Variants in COMMD10 observed in about 807,000 individuals in gnomAD.
COMMD10 encodes the protein COMM domain-containing protein 10.
Under a neutral mutation model 28.9 loss-of-function variants are expected in COMMD10, and 33 were observed. The observed-to-expected ratio is 1.14, with a 90% confidence interval of 0.87 to 1.53. COMMD10 has a LOEUF of 1.53. Ranked by LOEUF, COMMD10 falls within the 40% of genes most tolerant of loss-of-function variation. The probability of loss-of-function intolerance (pLI) is 0.00; values close to 1 mark genes in which losing one functional copy is unlikely to be tolerated. For synonymous variants in COMMD10, 110 were observed against 81.7 expected, an observed-to-expected ratio of 1.35 and a Z score of -1.87; for missense variants, 310 against 233.4, an observed-to-expected ratio of 1.33 and a Z score of -2.14.
At chr5:116,162,497 G>A (rs1190751104) in intron 5 of COMMD10, among the ~76,000 whole-genome samples, 1 of 152,134 alleles carries the variant, frequency 6.6e-6, no homozygotes, top group East Asian at 1.9e-4. Context: ...GATTGGCATG[G>A]CAGTGACTGT....
Position 116,205,934 on chromosome 5 carries a change from C to T in COMMD10, c.510+71756C>T, listed in dbSNP as rs140162183. On this transcript the variant is annotated intron_variant, in intron 5 of 6. Coordinates refer to ENST00000274458, the MANE Select transcript of COMMD10 (RefSeq NM_016144.4). ...TCCCGAAAACACTTTGAATCATTTC[C>T]ACTGATTCTTTTTCCTCCCTTGTTA... Among the ~76,000 whole-genome samples, 1,017 of 151,946 alleles carry T rather than the reference C, an allele frequency of 6.7e-3. 16 individuals carry two copies. Among genetic ancestry groups the T allele is most frequent in the African/African-American group, 0.024 (974 of 41,438 alleles).
At chr5:116,142,984 T>C (rs1426312014) in intron 5 of COMMD10, among the ~76,000 whole-genome samples, 1 of 151,510 alleles carries the variant, frequency 6.6e-6, no homozygotes. Flanking sequence ...GATCAATTTC[T>C]CAATGAAATT....
chr5:116,287,786 T>C (rs140151861), intron 5 of COMMD10, among the ~76,000 whole-genome samples: 36 of 151,892 alleles, frequency 2.4e-4, no homozygotes, highest in African/African-American at 7.8e-4. Context: ...CTCAAAGTTA[T>C]AGTATTCTAT....
chr5:116,179,352 A>C (rs1039105841), intron 5 of COMMD10, among the ~76,000 whole-genome samples: 3 of 152,174 alleles, frequency 2.0e-5, no homozygotes, highest in African/African-American at 7.2e-5. Flanking sequence ...TGTTTAACTC[A>C]AAAATCTGCC....
chr5:116,280,754 A>T (rs563027998), intron 5 of COMMD10, among the ~76,000 whole-genome samples: 8 of 151,860 alleles, frequency 5.3e-5, no homozygotes, highest in African/African-American at 4.9e-5. Flanking sequence ...CTTAGTAAAG[A>T]TTGTCAACAA....
rs145111303 is a variant in COMMD10, at chr5:116,188,294, G to A, written c.510+54116G>A. On this transcript the variant is annotated intron_variant, in intron 5 of 6. Coordinates refer to ENST00000274458, the MANE Select transcript of COMMD10 (RefSeq NM_016144.4). ...TTGACTTAAAGTATGTTCTACAGGC[G>A]GAATACACTGGGGGTGGCGGGCATG... 7.3e-3 allele frequency among the ~76,000 whole-genome samples: 1,117 copies of A among 152,120 alleles called. 17 individuals carry two copies. The highest frequency in any genetic ancestry group is 0.026 in the African/African-American group (1,072 of 41,506).
At chr5:116,277,628 A>G (rs999933098) in intron 5 of COMMD10, among the ~76,000 whole-genome samples, 2 of 151,940 alleles carry the variant, frequency 1.3e-5, no homozygotes, top group East Asian at 3.8e-4. Context: ...ACTGCCCTTC[A>G]TAACTTGAGG....
In COMMD10 at chr5:116,173,381, A is replaced by G. The variant is rs117989139; in HGVS notation, c.510+39203A>G. Among the ~76,000 whole-genome samples the G allele has an allele frequency of 1.2e-4, 19 of 152,228 alleles. No homozygotes were observed. The East Asian group carries it at 2.9e-3, about 23-fold the overall frequency. On this transcript the variant is annotated intron_variant, in intron 5 of 6. Transcript: ENST00000274458. ...TATAAGCCAATTTAAGCAAGTTAGT[A>G]TTAGAGTAGAAGTGTAAACTTTGGA...
At chr5:116,292,144 C>T (rs1220375553) in intron 6 of COMMD10, among the ~76,000 whole-genome samples, 6 of 150,970 alleles carry the variant, frequency 4.0e-5, no homozygotes, top group African/African-American at 1.5e-4. Context: ...AACCCCATGT[C>T]TCATTAAAAA....
At position 116,117,721 on chromosome 5, in the gene COMMD10, C is replaced by G. The variant is rs574481874; in HGVS notation, c.400-16347C>G. ...ACTTAAGTGATCTGCCCGCCTTGGC[C>G]TCCCAAAATACTAGGATTACAGGTG... On this transcript the variant is annotated intron_variant, in intron 4 of 6. Transcript: ENST00000274458. 9.2e-5 allele frequency among the ~76,000 whole-genome samples: 14 copies of G among 152,216 alleles called. No individual in the cohort carries two copies. The East Asian group carries it at 2.7e-3, about 29-fold the overall frequency.
intron 5 of COMMD10, among the ~76,000 whole-genome samples, chr5:116,166,883 A>G (rs1753116065): frequency 6.6e-6 from 1 of 152,160 alleles, no homozygotes; most frequent in Non-Finnish European, 1.5e-5. Context: ...ATCCATGAAG[A>G]TGAGGAAAAA....
At chr5:116,237,140 A>G (rs1245132559) in intron 5 of COMMD10, among the ~76,000 whole-genome samples, 3 of 152,092 alleles carry the variant, frequency 2.0e-5, no homozygotes, top group Admixed American at 6.6e-5. Context: ...TAACTAGTAC[A>G]AGGATCCTAA....
At chr5:116,266,140 C>A (rs1406986637) in intron 5 of COMMD10, among the ~76,000 whole-genome samples, 1 of 151,580 alleles carries the variant, frequency 6.6e-6, no homozygotes, top group East Asian at 1.9e-4. Context: ...AGACCTTCTC[C>A]TTAAGGGGGC....
intron 5 of COMMD10, among the ~76,000 whole-genome samples, chr5:116,144,013 G>T (rs1208613800): frequency 1.3e-5 from 2 of 151,864 alleles, no homozygotes; most frequent in Non-Finnish European, 2.9e-5. Flanking sequence ...GGAGGAAAAA[G>T]CACCTGAAAG....
intron 4 of COMMD10, among the ~76,000 whole-genome samples, chr5:116,133,006 C>G (rs1322147077): frequency 6.6e-6 from 1 of 152,126 alleles, no homozygotes; most frequent in African/African-American, 2.4e-5. Flanking sequence ...TGCTGTCTTT[C>G]CAACTTGGCT....
chr5:116,248,216 C>G (rs1282958090), intron 5 of COMMD10, among the ~76,000 whole-genome samples: 1 of 151,680 alleles, frequency 6.6e-6, no homozygotes, highest in Non-Finnish European at 1.5e-5. Flanking sequence ...AAACAGTCAT[C>G]CTTCTATGAC....
intron 5 of COMMD10, among the ~76,000 whole-genome samples, chr5:116,217,589 G>C (rs1383284723): frequency 3.9e-5 from 6 of 152,196 alleles, no homozygotes; most frequent in African/African-American, 1.4e-4. Flanking sequence ...AGTCCAGATT[G>C]CCTGACACAC....
In COMMD10 at chr5:116,237,973, A is replaced by G. The variant is rs192954173; in HGVS notation, c.511-53544A>G. 5.3e-5 allele frequency among the ~76,000 whole-genome samples: 8 copies of G among 152,302 alleles called. No homozygotes were observed. In the East Asian group the frequency reaches 1.5e-3, roughly 29 times the overall value. ...AGTTGTAATAAAGGTAAATTTAATA[A>G]AAGTAAAAGCAATCTGCTCCCAGAA... is the stretch of plus-strand genomic sequence containing the variant. On this transcript the variant is annotated intron_variant, in intron 5 of 6. Transcript: ENST00000274458.
chr5:116,114,170 A>G (rs893281895), intron 4 of COMMD10, among the ~76,000 whole-genome samples: 2 of 152,072 alleles, frequency 1.3e-5, no homozygotes, highest in African/African-American at 4.8e-5. Context: ...CAGTGGTAGC[A>G]GTGGTTGTCT....
Sources: allele counts gnomAD v4.1 joint callset (sites outside exome capture counted in the v4.1 genomes callset), GRCh38; gene constraint gnomAD v4.1.1; transcripts MANE v1.5; gene names NCBI Gene and HGNC (gene_info 2026-07-23, HGNC 2026-07-21).